Variants in SMOC1 observed in about 807,000 individuals in gnomAD.
The protein encoded by SMOC1 is SPARC related modular calcium binding 1, also known as SPARC-related modular calcium-binding protein 1.
In SMOC1, 22 loss-of-function variants were observed where a neutral mutation model predicts 56.3. That is an observed-to-expected ratio of 0.39 (90% CI 0.28 to 0.56). The LOEUF (loss-of-function observed/expected upper bound fraction) is 0.56, where lower values mean the gene tolerates loss of function less well. Ranked by LOEUF, SMOC1 falls within the 20% of genes least tolerant of loss-of-function variation. SMOC1 has a pLI of 0.61. For synonymous variants in SMOC1, 193 were observed against 215.0 expected (o/e 0.90, Z 0.89); for missense variants, 509 against 565.4 (o/e 0.90, Z 1.01).
chr14:69,920,636 G>GTTGCTGCCATC (rs1884813619), intron 1 of SMOC1, among the ~76,000 whole-genome samples: 1 of 152,224 alleles, frequency 6.6e-6, no homozygotes. Context: ...TGCAAAAACA[G>GTTGCTGCCATC]TTGCTGCCAT....
At chr14:69,988,498 T>C (rs1046190619) in intron 5 of SMOC1, among the ~76,000 whole-genome samples, 34 of 152,256 alleles carry the variant, frequency 2.2e-4, no homozygotes, top group African/African-American at 4.8e-5. Flanking sequence ...TAGCTGCTGC[T>C]GCCTCATGAT....
At chr14:69,882,214 C>T (rs147588753) in intron 1 of SMOC1, among the ~76,000 whole-genome samples, 3,989 of 152,186 alleles carry the variant, frequency 0.026, 66 homozygotes, top group Non-Finnish European at 0.032. Context: ...CGGCGTCATC[C>T]GAGGAGCAGA....
At position 69,953,480 on chromosome 14, in the gene SMOC1, C is replaced by T. The variant is rs1883078611; in HGVS notation, c.326C>T (p.Pro109Leu). The stretch of plus-strand genomic sequence containing the variant: ...CAAGCCCTGGAGCAAGCCAAGAAGC[C>T]TCAGGAAGCTGTGTTTGTCCCAGAG... Reference protein sequence around the residue: ...RAQALEQAKKPQEAVFVPECG... With the variant: ...RAQALEQAKKLQEAVFVPECG... Residue 109 changes from proline to leucine, a missense_variant, in exon 3 of 12, where the codon CCT (proline) becomes CTT (leucine). By Grantham distance (98) the Pro-to-Leu change is moderately conservative (BLOSUM62 -3). Coordinates refer to ENST00000361956, the MANE Select transcript of SMOC1 (RefSeq NM_001034852.3). The T allele has an allele frequency of 6.2e-7, 1 of 1,614,158 alleles. No homozygotes were observed. The highest frequency in any genetic ancestry group is 1.3e-5 in the African/African-American group (1 of 74,964).
chr14:69,904,023 G>T (rs961996297), intron 1 of SMOC1, among the ~76,000 whole-genome samples: 3 of 152,200 alleles, frequency 2.0e-5, no homozygotes, highest in Admixed American at 6.5e-5. Flanking sequence ...CCTCAGCCTT[G>T]CTGACCTTCC....
intron 11 of SMOC1, among the ~76,000 whole-genome samples, chr14:70,025,016 A>G (rs1885871204): frequency 6.6e-6 from 1 of 152,144 alleles, no homozygotes; most frequent in African/African-American, 2.4e-5. Flanking sequence ...CAAGTTAGGT[A>G]TGGGACAAAG....
chr14:69,994,248 G>A (rs1385360048), intron 6 of SMOC1, 152 bp from the exon 7 acceptor site: 3 of 760,538 alleles, frequency 3.9e-6, no homozygotes, highest in Non-Finnish European at 7.2e-6. Flanking sequence ...TTGTGAGGAA[G>A]GGAGGGGAAC....
intron 1 of SMOC1, among the ~76,000 whole-genome samples, chr14:69,908,398 A>G (rs1448729892): frequency 6.6e-6 from 1 of 152,214 alleles, no homozygotes; most frequent in East Asian, 1.9e-4. Context: ...ATAATATTGC[A>G]CAGTTACCTG....
At chr14:69,963,623 G>C (rs541318894) in intron 3 of SMOC1, among the ~76,000 whole-genome samples, 1 of 149,024 alleles carries the variant, frequency 6.7e-6, no homozygotes, top group Admixed American at 6.7e-5. Context: ...AGCACATCAA[G>C]ATCTGGGAGA....
In SMOC1 at chr14:69,961,272, GTATATATATATATATATATATATA is replaced by G. The variant is rs35703501; in HGVS notation, c.378+7764_378+7787del. ...TTATTGTCAAGCAATATTCTATTGT[GTATATATATATATATATATATATA>G]TATATATATATATATATATATATCC... On this transcript the variant is annotated intron_variant, in intron 3 of 11. Transcript: ENST00000361956. Among the ~76,000 whole-genome samples, 568 of 74,984 alleles carry G rather than the reference GTATATATATATATATATATATATA, an allele frequency of 7.6e-3. 15 individuals carry two copies. The highest frequency in any genetic ancestry group is 0.029 in the African/African-American group (479 of 16,456). The allele number at this position is 74,984 out of a possible 152,430, so 49.2% of individuals were successfully genotyped here. A position where few individuals can be genotyped will look rare whatever the true frequency, so the allele number is the denominator to read the frequency against.
At chr14:70,018,087 C>A (rs181347168) in intron 10 of SMOC1, among the ~76,000 whole-genome samples, 1 of 152,046 alleles carries the variant, frequency 6.6e-6, no homozygotes, top group Admixed American at 6.5e-5. Flanking sequence ...CAGAGTTGAG[C>A]AGAGCCCAGC....
intron 5 of SMOC1, among the ~76,000 whole-genome samples, chr14:69,978,809 A>G (rs74060662): frequency 0.014 from 2,191 of 152,226 alleles, 50 homozygotes; most frequent in African/African-American, 0.049. Flanking sequence ...GGGCCCCACA[A>G]GTGACGTAGC....
At chr14:69,970,282 C>T (rs2139487199) in intron 3 of SMOC1, among the ~76,000 whole-genome samples, 1 of 152,290 alleles carries the variant, frequency 6.6e-6, no homozygotes, top group South Asian at 2.1e-4. Flanking sequence ...GTCTCTTCCT[C>T]CTTCCTTGAG....
At chr14:69,912,231 C>A (rs987164537) in intron 1 of SMOC1, among the ~76,000 whole-genome samples, 1 of 152,078 alleles carries the variant, frequency 6.6e-6, no homozygotes, top group Non-Finnish European at 1.5e-5. Context: ...GATGCTCAAC[C>A]ATAGATGAGG....
chr14:69,902,304 C>T (rs1884262871), intron 1 of SMOC1, among the ~76,000 whole-genome samples: 1 of 152,240 alleles, frequency 6.6e-6, no homozygotes, highest in South Asian at 2.1e-4. Context: ...ATATTGTGAA[C>T]ACCTGGATCC....
At chr14:69,923,930 A>G (rs1884920888) in intron 1 of SMOC1, among the ~76,000 whole-genome samples, 1 of 152,084 alleles carries the variant, frequency 6.6e-6, no homozygotes, top group African/African-American at 2.4e-5. Flanking sequence ...TAACCTCCCT[A>G]GGGTCCCCTG....
intron 1 of SMOC1, among the ~76,000 whole-genome samples, chr14:69,899,022 A>C (rs1195599883): frequency 2.0e-5 from 3 of 152,044 alleles, no homozygotes; most frequent in African/African-American, 7.2e-5. Context: ...TGAACTTCGT[A>C]AGTGCTTCTC....
chr14:69,907,627 G>T (rs901993553), intron 1 of SMOC1, among the ~76,000 whole-genome samples: 1 of 152,194 alleles, frequency 6.6e-6, no homozygotes, highest in African/African-American at 2.4e-5. Context: ...CATTCGGTAA[G>T]ACAGAAAACA....
At chr14:69,935,549 G>T (rs1474052858) in intron 1 of SMOC1, among the ~76,000 whole-genome samples, 1 of 152,132 alleles carries the variant, frequency 6.6e-6, no homozygotes, top group African/African-American at 2.4e-5. Flanking sequence ...AGTTTGCTGG[G>T]GTCTCTTTAG....
intron 1 of SMOC1, among the ~76,000 whole-genome samples, chr14:69,922,908 G>T (rs971869670): frequency 1.3e-5 from 2 of 151,642 alleles, no homozygotes; most frequent in Admixed American, 6.6e-5. Flanking sequence ...CCCAGGGGTG[G>T]TCCTAGAGCA....
Sources: gnomAD v4.1 joint callset for allele counts (sites outside exome capture counted in the v4.1 genomes callset) on GRCh38, gnomAD v4.1.1 for gene constraint, MANE v1.5 for transcripts, NCBI Gene and HGNC (gene_info 2026-07-23, HGNC 2026-07-21) for gene names.